IL1RAPL1: variants seen among roughly 807,000 people sequenced by gnomAD.
The protein encoded by IL1RAPL1 is interleukin-1 receptor accessory protein-like 1.
A neutral mutation model predicts 48.4 loss-of-function variants in IL1RAPL1; 3 were observed. The ratio of observed to expected loss-of-function variants is 0.06; its 90% CI spans 0.03 to 0.16. IL1RAPL1 has a LOEUF of 0.16. Ranked by LOEUF, IL1RAPL1 falls within the 10% of genes least tolerant of loss-of-function variation. The pLI is 1.00. For missense variants in IL1RAPL1, 349 were observed against 530.6 expected (o/e 0.66, Z 3.36); for synonymous variants, 185 against 187.7 (o/e 0.99, Z 0.12).
intron 2 of IL1RAPL1, among the ~76,000 whole-genome samples, chrX:29,079,638 C>A (rs145672117): frequency 1.2e-3 from 135 of 108,914 alleles, no homozygotes; most frequent in Admixed American, 2.5e-3. Flanking sequence ...TCATCCATTG[C>A]CACTCATTGA....
chrX:29,116,036 C>T (rs183217544), intron 2 of IL1RAPL1, among the ~76,000 whole-genome samples: 5 of 111,187 alleles, frequency 4.5e-5, no homozygotes, highest in African/African-American at 1.6e-4. Flanking sequence ...AATAACTTCT[C>T]TCTCATTGTA....
chrX:29,895,208 A>G (rs1434751149), intron 6 of IL1RAPL1, among the ~76,000 whole-genome samples: 1 of 111,531 alleles, frequency 9.0e-6, no homozygotes, highest in Non-Finnish European at 1.9e-5. Flanking sequence ...TTTGGGGAGG[A>G]TAAGTCTTGT....
chrX:28,669,458 A>C (rs1224480889), intron 1 of IL1RAPL1, among the ~76,000 whole-genome samples: 1 of 108,284 alleles, frequency 9.2e-6, no homozygotes, highest in East Asian at 2.9e-4. Context: ...GTTTCTACTA[A>C]AAATAAAAAA....
At chrX:28,959,240 A>C (rs894903832) in intron 2 of IL1RAPL1, among the ~76,000 whole-genome samples, 7 of 111,654 alleles carry the variant, frequency 6.3e-5, no homozygotes, top group South Asian at 3.7e-4. Flanking sequence ...CAAACTATTC[A>C]TAACTTGCTC....
At chrX:29,618,926 T>G (rs923092796) in intron 5 of IL1RAPL1, among the ~76,000 whole-genome samples, 2 of 111,857 alleles carry the variant, frequency 1.8e-5, no homozygotes, top group African/African-American at 6.5e-5. Flanking sequence ...GTACATTAGC[T>G]GCCAAATTTA....
At chrX:29,142,850 G>A (rs1212293035) in intron 2 of IL1RAPL1, among the ~76,000 whole-genome samples, 1 of 109,982 alleles carries the variant, frequency 9.1e-6, no homozygotes, top group Non-Finnish European at 1.9e-5. Context: ...ACAGATGTGT[G>A]CCACCACACC....
At chrX:29,562,050 AT>A in intron 5 of IL1RAPL1, among the ~76,000 whole-genome samples, 1 of 104,488 alleles carries the variant, frequency 9.6e-6, no homozygotes, top group South Asian at 4.3e-4. Flanking sequence ...CTATCTATCT[AT>A]CTATCTATCT....
intron 2 of IL1RAPL1, among the ~76,000 whole-genome samples, chrX:28,819,340 G>A (rs1183002841): frequency 9.0e-6 from 1 of 111,022 alleles, no homozygotes; most frequent in Non-Finnish European, 1.9e-5. Flanking sequence ...ATAATTATAT[G>A]GAGCAAGCTA....
chrX:29,695,240 A>C (rs1249569268), intron 6 of IL1RAPL1, among the ~76,000 whole-genome samples: 2 of 111,904 alleles, frequency 1.8e-5, no homozygotes, highest in African/African-American at 6.5e-5. Flanking sequence ...TGAGGTACAG[A>C]GAGGTTTCCC....
At position 29,741,935 on chromosome X, in the gene IL1RAPL1, GAAA is replaced by G. The variant is rs1182352727; in HGVS notation, c.778+73449_778+73451del. On this transcript the variant is annotated intron_variant, in intron 6 of 10. Transcript: ENST00000378993. Reference sequence around the variant, plus strand: ...GCGAGACTCCGTCAAAAAAAAAAAAGAAAAAAAAAAAAAAAAAAAAGAAAAGCC... The same window carrying G: ...GCGAGACTCCGTCAAAAAAAAAAAAGAAAAAAAAAAAAAAAAAGAAAAGCC... 3.4e-4 allele frequency among the ~76,000 whole-genome samples: 21 copies of G among 61,852 alleles called. No individual in the cohort carries two copies. In the Admixed American group the frequency reaches 3.8e-3, roughly 11 times the overall value. 53.7% of individuals were successfully genotyped at this position (61,852 alleles called of 115,157 possible).
chrX:29,455,522 T>TTGA (rs1217319642), intron 5 of IL1RAPL1, among the ~76,000 whole-genome samples: 3 of 112,072 alleles, frequency 2.7e-5, no homozygotes, highest in Non-Finnish European at 5.6e-5. Flanking sequence ...AACTTTTACC[T>TTGA]TGAAAGCCTT....
intron 2 of IL1RAPL1, among the ~76,000 whole-genome samples, chrX:29,036,232 GTT>G (rs890271400): frequency 7.1e-5 from 8 of 112,059 alleles, no homozygotes; most frequent in African/African-American, 2.6e-4. Flanking sequence ...TTCCACTCCT[GTT>G]TTTACAGTGT....
At chrX:29,944,199 G>A (rs958146576) in intron 9 of IL1RAPL1, among the ~76,000 whole-genome samples, 8 of 111,482 alleles carry the variant, frequency 7.2e-5, no homozygotes, top group African/African-American at 9.8e-5. Flanking sequence ...CCTAAAAAGC[G>A]GGGGGCAGGG....
intron 2 of IL1RAPL1, among the ~76,000 whole-genome samples, chrX:29,026,987 T>C (rs1926499397): frequency 8.9e-6 from 1 of 112,023 alleles, no homozygotes; most frequent in Non-Finnish European, 1.9e-5. Context: ...ACAATTTACA[T>C]CCTCTACCAG....
chrX:29,663,667 T>C (rs1205060396), intron 5 of IL1RAPL1, among the ~76,000 whole-genome samples: 1 of 112,270 alleles, frequency 8.9e-6, no homozygotes, highest in Non-Finnish European at 1.9e-5. Context: ...AATATTTTTG[T>C]TGAATTGATT....
At chrX:29,772,973 A>AG (rs150700435) in intron 6 of IL1RAPL1, among the ~76,000 whole-genome samples, 1 of 111,701 alleles carries the variant, frequency 9.0e-6, no homozygotes, top group Admixed American at 9.6e-5. Flanking sequence ...TTAAAAAAAA[A>AG]TCATGTGGAA....
At chrX:29,291,798 C>G (rs1186669064) in intron 3 of IL1RAPL1, among the ~76,000 whole-genome samples, 2 of 112,457 alleles carry the variant, frequency 1.8e-5, no homozygotes, top group Admixed American at 9.5e-5. Flanking sequence ...TGTGAAGCTT[C>G]CATGTATTAA....
At chrX:28,783,614 C>A (rs1936444561) in intron 1 of IL1RAPL1, among the ~76,000 whole-genome samples, 2 of 111,807 alleles carry the variant, frequency 1.8e-5, no homozygotes, top group South Asian at 3.7e-4. Context: ...ATCCCCCTCC[C>A]TACTCCCCAA....
intron 5 of IL1RAPL1, among the ~76,000 whole-genome samples, chrX:29,569,597 T>C (rs543790662): frequency 9.1e-6 from 1 of 109,750 alleles, no homozygotes; most frequent in African/African-American, 3.3e-5. Context: ...GATGATTAAT[T>C]TTCTTGTAAT....
Sources: gnomAD v4.1 joint callset for allele counts (sites outside exome capture counted in the v4.1 genomes callset) on GRCh38, gnomAD v4.1.1 for gene constraint, MANE v1.5 for transcripts, NCBI Gene and HGNC (gene_info 2026-07-23, HGNC 2026-07-21) for gene names.